Variants in FGGY observed in about 807,000 individuals in gnomAD.
FGGY encodes FGGY carbohydrate kinase domain containing.
Under a neutral mutation model 71.3 loss-of-function variants are expected in FGGY, and 72 were observed. That is an observed-to-expected ratio of 1.01 (90% confidence interval 0.84 to 1.23). The LOEUF (loss-of-function observed/expected upper bound fraction) is 1.23, where lower values mean the gene tolerates loss of function less well. Among genes scored for constraint, FGGY ranks in the 50% most tolerant of loss-of-function variants. The pLI, the probability that FGGY is intolerant of heterozygous loss-of-function variation, is 0.00. For synonymous variants in FGGY, 251 were observed against 250.3 expected (o/e 1.00, Z -0.02); for missense variants, 668 against 682.3 (o/e 0.98, Z 0.23).
chr1:59,691,641 C>CT (rs774899362), intron 14 of FGGY, among the ~76,000 whole-genome samples: 3,579 of 131,930 alleles, frequency 0.027, 65 homozygotes, highest in African/African-American at 0.032. Flanking sequence ...TTTTTCTTTT[C>CT]TTTTTTTTTT....
At chr1:59,731,848 G>A (rs927919816) in intron 14 of FGGY, among the ~76,000 whole-genome samples, 11 of 151,988 alleles carry the variant, frequency 7.2e-5, no homozygotes, top group Admixed American at 6.6e-5. Flanking sequence ...CCCCTGCTCC[G>A]AATCCCTGTT....
At chr1:59,540,980 A>G (rs1194498827) in intron 7 of FGGY, among the ~76,000 whole-genome samples, 1 of 152,138 alleles carries the variant, frequency 6.6e-6, no homozygotes, top group East Asian at 1.9e-4. Context: ...GTAAGGGAAA[A>G]ATTATGTTAT....
intron 11 of FGGY, among the ~76,000 whole-genome samples, chr1:59,654,424 G>A (rs2097199410): frequency 6.6e-6 from 1 of 152,138 alleles, no homozygotes; most frequent in Non-Finnish European, 1.5e-5. Flanking sequence ...GAATTCCCCT[G>A]AGCCTTGGAT....
At chr1:59,646,774 A>C (rs1222219882) in intron 11 of FGGY, among the ~76,000 whole-genome samples, 2 of 152,142 alleles carry the variant, frequency 1.3e-5, no homozygotes, top group African/African-American at 2.4e-5. Context: ...TAAGTAGCTT[A>C]CTCAGAGGAG....
At chr1:59,393,390 T>C (rs2060933553) in intron 5 of FGGY, 1 of 152,184 alleles carries the variant, frequency 6.6e-6, no homozygotes, top group Non-Finnish European at 1.5e-5. Context: ...TGAAGTCATT[T>C]TGAATTTAAG....
At chr1:59,346,081 A>G (rs1477693219) in intron 3 of FGGY, among the ~76,000 whole-genome samples, 166 bp from the exon 4 acceptor site, 1 of 152,170 alleles carries the variant, frequency 6.6e-6, no homozygotes, top group African/African-American at 2.4e-5. Flanking sequence ...AGGCCTGGGG[A>G]CAGTGCTTTC....
rs1053922959 is a variant in FGGY at position 59,676,199 on chromosome 1, C to T, written c.1512+2066C>T. Reference sequence around the variant, plus strand: ...TGACAGTCATCCTGCTTGCAGGATGCGTGTTTTTATCCTTCTGTGATAGGA... The same window carrying T: ...TGACAGTCATCCTGCTTGCAGGATGTGTGTTTTTATCCTTCTGTGATAGGA... On this transcript the variant is annotated intron_variant, in intron 14 of 15. Transcript: ENST00000303721. Among the ~76,000 whole-genome samples the T allele has an allele frequency of 4.1e-4, 62 of 151,968 alleles. 2 individuals are homozygous for T. The highest frequency in any genetic ancestry group is 2.9e-5 in the Non-Finnish European group (2 of 67,988).
At chr1:59,450,938 A>G (rs2072552510) in intron 5 of FGGY, among the ~76,000 whole-genome samples, 1 of 150,458 alleles carries the variant, frequency 6.6e-6, no homozygotes, top group Non-Finnish European at 1.5e-5. Context: ...TAAACAAGGT[A>G]TATAGCTTAA....
At chr1:59,479,082 CA>C (rs2093375890) in intron 6 of FGGY, among the ~76,000 whole-genome samples, 1 of 152,310 alleles carries the variant, frequency 6.6e-6, no homozygotes, top group African/African-American at 2.4e-5. Flanking sequence ...TACATTACAA[CA>C]ACATGAGATG....
At chr1:59,358,263 C>G (rs950570404) in intron 4 of FGGY, among the ~76,000 whole-genome samples, 4 of 152,150 alleles carry the variant, frequency 2.6e-5, no homozygotes, top group Non-Finnish European at 4.4e-5. Context: ...AACACCTGGG[C>G]TGTTTTACTT....
At chr1:59,739,102 C>T (rs991963018) in intron 14 of FGGY, among the ~76,000 whole-genome samples, 1 of 152,200 alleles carries the variant, frequency 6.6e-6, no homozygotes, top group African/African-American at 2.4e-5. Context: ...ACAAAAGACA[C>T]CCTTGCACAT....
intron 14 of FGGY, among the ~76,000 whole-genome samples, chr1:59,676,595 T>C (rs1361759896): frequency 6.6e-6 from 1 of 152,050 alleles, no homozygotes; most frequent in Non-Finnish European, 1.5e-5. Context: ...AATGGGAAAC[T>C]GAGCTTAATT....
intron 11 of FGGY, among the ~76,000 whole-genome samples, chr1:59,651,188 G>T (rs1164622893): frequency 4.6e-5 from 7 of 152,022 alleles, no homozygotes; most frequent in Non-Finnish European, 1.0e-4. Flanking sequence ...GTCAATTTTG[G>T]AATAGGTGTG....
chr1:59,592,928 A>G (rs1358452925), intron 8 of FGGY, among the ~76,000 whole-genome samples: 1 of 152,186 alleles, frequency 6.6e-6, no homozygotes, highest in Non-Finnish European at 1.5e-5. Context: ...TAGAACTTCA[A>G]CTATAGTAAT....
chr1:59,762,481 C>T (rs1559022465), intron 15 of FGGY, 22 bp from the exon 16 acceptor site: 1 of 1,588,708 alleles, frequency 6.3e-7, no homozygotes, highest in Non-Finnish European at 8.6e-7. Flanking sequence ...GATCATTCAA[C>T]ATATTTATAT....
intron 10 of FGGY, among the ~76,000 whole-genome samples, chr1:59,635,398 AC>A (rs1020414462): frequency 6.6e-6 from 1 of 152,164 alleles, no homozygotes; most frequent in African/African-American, 2.4e-5. Flanking sequence ...AATGAATCTC[AC>A]TGTTTGCAAA....
intron 5 of FGGY, among the ~76,000 whole-genome samples, chr1:59,408,993 A>C (rs1186893632): frequency 6.6e-6 from 1 of 152,100 alleles, no homozygotes; most frequent in African/African-American, 2.4e-5. Context: ...TTTCTTATTT[A>C]ACTTTTATCC....
chr1:59,520,507 A>G (rs998629432), intron 7 of FGGY, among the ~76,000 whole-genome samples: 1 of 152,128 alleles, frequency 6.6e-6, no homozygotes, highest in African/African-American at 2.4e-5. Context: ...AAAAGCACCA[A>G]TCACTCTCTA....
chr1:59,404,211 G>T (rs1056007073), intron 5 of FGGY, among the ~76,000 whole-genome samples: 2 of 152,006 alleles, frequency 1.3e-5, no homozygotes, highest in Non-Finnish European at 2.9e-5. Flanking sequence ...CTGTCGGGGG[G>T]CGGGGCCACA....
Sources: gnomAD v4.1 joint callset for allele counts (sites outside exome capture counted in the v4.1 genomes callset) on GRCh38, gnomAD v4.1.1 for gene constraint, MANE v1.5 for transcripts, NCBI Gene and HGNC (gene_info 2026-07-23, HGNC 2026-07-21) for gene names.